The following LZTS1 variants were observed in gnomAD, a reference collection of about 807,000 sequenced individuals.
The protein encoded by LZTS1 is leucine zipper putative tumor suppressor 1.
Under a neutral mutation model 45.8 loss-of-function variants are expected in LZTS1, and 31 were observed. That is an observed-to-expected ratio of 0.68 (90% CI 0.51 to 0.91). LZTS1 has a LOEUF of 0.91. Ranked by LOEUF, LZTS1 falls within the 40% of genes least tolerant of loss-of-function variation. LZTS1 has a pLI of 0.00. For synonymous variants in LZTS1, 359 were observed against 357.3 expected, an observed-to-expected ratio of 1.00 and a Z score of -0.05; for missense variants, 821 against 788.9, an observed-to-expected ratio of 1.04 and a Z score of -0.49.
At chr8:20,267,092 A>C (rs1355766503) in intron 1 of LZTS1, among the ~76,000 whole-genome samples, 1 of 145,420 alleles carries the variant, frequency 6.9e-6, no homozygotes, top group Non-Finnish European at 1.5e-5. Flanking sequence ...TGGGCAACAA[A>C]GTGAGACTCC....
chr8:20,300,538 T>C (rs1247814323), intron 1 of LZTS1, among the ~76,000 whole-genome samples: 1 of 152,008 alleles, frequency 6.6e-6, no homozygotes, highest in Non-Finnish European at 1.5e-5. Context: ...TTCACCGTGT[T>C]AGCCAGGATG....
Position 20,255,379 on chromosome 8 carries a change from C to T in LZTS1, c.-134-64G>A, listed in dbSNP as rs113295530. On this transcript the variant is annotated intron_variant, in intron 1 of 3. Transcript: ENST00000381569. Reference sequence around the variant, plus strand: ...AGTGGTCACAGCACAGTGCTGATTCCGACTTCCAGATCTGGGCAGTAGAGA... The same window carrying T: ...AGTGGTCACAGCACAGTGCTGATTCTGACTTCCAGATCTGGGCAGTAGAGA... The T allele has an allele frequency of 2.3e-5, 27 of 1,196,322 alleles. 1 individual carries two copies. The highest frequency in any genetic ancestry group is 9.2e-5 in the African/African-American group (6 of 65,216). 74.1% of individuals were successfully genotyped at this position (1,196,322 alleles called of 1,614,324 possible).
At chr8:20,289,820 C>T (rs1367167265) in intron 1 of LZTS1, 1 of 152,250 alleles carries the variant, frequency 6.6e-6, no homozygotes, top group Non-Finnish European at 1.5e-5. Flanking sequence ...TCCTGACTCC[C>T]CGAAGCAAGG....
Position 20,271,595 on chromosome 8 carries a change from G to A in LZTS1, c.-134-16280C>T, listed in dbSNP as rs192047554. Among the ~76,000 whole-genome samples, 343 of 152,282 alleles carry A rather than the reference G, an allele frequency of 2.3e-3. 2 individuals are homozygous for A. Among genetic ancestry groups the A allele is most frequent in the Non-Finnish European group, 2.6e-3 (180 of 68,028 alleles). On this transcript the variant is annotated intron_variant, in intron 1 of 3. Transcript: ENST00000381569. ...GCCCTTCTGGCCCCGGTGACGCTGA[G>A]TGACTCATAGGCCCCACTTGCCATC...
chr8:20,252,842 G>A lies in LZTS1; in HGVS notation c.1089C>T (p.Leu363=). 2 of 1,580,028 alleles carry A rather than the reference G, an allele frequency of 1.3e-6. No individual in the cohort carries two copies. Among genetic ancestry groups the A allele is most frequent in the Non-Finnish European group, 1.7e-6 (2 of 1,163,760 alleles). ...TGGTCTTCTCCCTCTCGTAGGACCTGAGCTTGGTCTCCAGCAGGTCCTGCT... is the reference window on the plus strand; with the variant it reads ...TGGTCTTCTCCCTCTCGTAGGACCTAAGCTTGGTCTCCAGCAGGTCCTGCT... ...MKEQDLLETK[L]RSYEREKTSF... Residue 363 remains leucine, a synonymous_variant, in exon 3 of 4, where the codon CTC becomes CTT. Transcript: ENST00000381569.
chr8:20,287,277 G>T (rs900532551), intron 1 of LZTS1, among the ~76,000 whole-genome samples: 1 of 152,338 alleles, frequency 6.6e-6, no homozygotes, highest in Admixed American at 6.5e-5. Flanking sequence ...ATGGAGTAAA[G>T]TCCACCCTTT....
At chr8:20,273,216 C>A (rs112079914) in intron 1 of LZTS1, among the ~76,000 whole-genome samples, 1,728 of 152,224 alleles carry the variant, frequency 0.011, 37 homozygotes, top group African/African-American at 0.039. Context: ...TATGTGATAC[C>A]GTGATTGCCT....
chr8:20,283,269 C>G (rs1351838400), intron 1 of LZTS1, among the ~76,000 whole-genome samples: 1 of 152,084 alleles, frequency 6.6e-6, no homozygotes, highest in Non-Finnish European at 1.5e-5. Context: ...GGAGGTAGGG[C>G]CTTTGGGAGG....
chr8:20,260,509 C>T (rs1017142204), intron 1 of LZTS1, among the ~76,000 whole-genome samples: 3 of 152,114 alleles, frequency 2.0e-5, no homozygotes, highest in Non-Finnish European at 2.9e-5. Flanking sequence ...TAAAATCGCA[C>T]GCTGCAATTG....
At chr8:20,295,513 T>A (rs1370354746) in intron 1 of LZTS1, among the ~76,000 whole-genome samples, 1 of 152,166 alleles carries the variant, frequency 6.6e-6, no homozygotes, top group Non-Finnish European at 1.5e-5. Context: ...GCGCCATCCA[T>A]CTCTGCCATT....
chr8:20,276,804 T>G (rs963363686), intron 1 of LZTS1, among the ~76,000 whole-genome samples: 2 of 152,192 alleles, frequency 1.3e-5, no homozygotes, highest in African/African-American at 4.8e-5. Context: ...AGCTGATTGT[T>G]TTCTTGTTGG....
At chr8:20,287,665 G>T (rs922514833) in intron 1 of LZTS1, among the ~76,000 whole-genome samples, 4 of 152,066 alleles carry the variant, frequency 2.6e-5, no homozygotes, top group African/African-American at 9.7e-5. Context: ...GGTGGCTCAC[G>T]CCTATAATCC....
chr8:20,251,133 A>G (rs1417245503), intron 3 of LZTS1, among the ~76,000 whole-genome samples: 1 of 107,126 alleles, frequency 9.3e-6, no homozygotes, highest in Non-Finnish European at 1.9e-5. Flanking sequence ...ATATATATAT[A>G]TATATATATA....
rs1210900030 is a variant in LZTS1, at chr8:20,252,892, G to C, written c.1039C>G (p.Gln347Glu). 6.2e-7 allele frequency: 1 copy of C among 1,610,340 alleles called. No homozygotes were observed. The highest frequency in any genetic ancestry group is 1.3e-5 in the African/African-American group (1 of 75,010). ...TCCTTCATGAGGCTCTCGAGCTCCT[G>C]CCGGAGCTGCCGCTTCTCCTGCTGA... ...QLQQEKRQLRQELESLMKEQD... is the reference protein window; with the variant it reads ...QLQQEKRQLREELESLMKEQD... The change falls in exon 3 of 4, where the codon CAG (glutamine) becomes GAG (glutamate). Residue 347 changes from glutamine to glutamate, a missense_variant. Gln to Glu is a conservative substitution (Grantham distance 29). Transcript: ENST00000381569.
At chr8:20,289,961 G>A (rs570284944) in intron 1 of LZTS1, 12 of 152,352 alleles carry the variant, frequency 7.9e-5, no homozygotes, top group African/African-American at 2.2e-4. Context: ...GACTGCCTGG[G>A]GGGAAGTCCC....
chr8:20,250,801 G>A (rs2128891295), intron 3 of LZTS1, among the ~76,000 whole-genome samples: 1 of 151,972 alleles, frequency 6.6e-6, no homozygotes, highest in East Asian at 2.0e-4. Context: ...GTTTCCTCAT[G>A]TTGGCCAGGC....
Position 20,252,703 on chromosome 8 carries a change from T to G in LZTS1, c.1149+79A>C. 3 of 1,350,618 alleles carry G rather than the reference T, an allele frequency of 2.2e-6. No homozygotes were observed. In the South Asian group the frequency reaches 4.9e-5, roughly 22 times the overall value. The allele number at this position is 1,350,618 out of a possible 1,614,324, so 83.7% of individuals were successfully genotyped here. A position where few individuals can be genotyped will look rare whatever the true frequency, so the allele number is the denominator to read the frequency against. The stretch of plus-strand genomic sequence containing the variant: ...TGCGCGGTCTGTGTTTGCACGCTAT[T>G]GGCCGGCACCAGAAGGAGAGGGGGG... On this transcript the variant is annotated intron_variant, in intron 3 of 3. Transcript: ENST00000381569.
intron 1 of LZTS1, among the ~76,000 whole-genome samples, chr8:20,273,491 T>C (rs1253343588): frequency 6.6e-6 from 1 of 152,188 alleles, no homozygotes. Context: ...CTTCATTCTC[T>C]CTTGCTTGCC....
In LZTS1 at chr8:20,255,128, G is replaced by A. The variant is rs1800064466; in HGVS notation, c.54C>T (p.Cys18=). 1 of 1,614,172 alleles carries A rather than the reference G, an allele frequency of 6.2e-7. No homozygotes were observed. Among genetic ancestry groups the A allele is most frequent in the Non-Finnish European group, 8.5e-7 (1 of 1,180,032 alleles). ...ISGHSFHSKH[C]RASQYKLRKS... ...TGCGCAGCTTGTACTGCGAAGCCCG[G>A]CAGTGCTTGCTGTGGAAGCTGTGGC... The change falls in exon 2 of 4, where the codon TGC becomes TGT. Residue 18 remains cysteine (C), a synonymous_variant. Coordinates refer to ENST00000381569, the MANE Select transcript of LZTS1 (RefSeq NM_021020.5).
Sources: gnomAD v4.1 joint callset for allele counts (sites outside exome capture counted in the v4.1 genomes callset) on GRCh38, gnomAD v4.1.1 for gene constraint, MANE v1.5 for transcripts, NCBI Gene and HGNC (gene_info 2026-07-23, HGNC 2026-07-21) for gene names.